TGFA: variants seen among roughly 807,000 people sequenced by gnomAD.
The protein encoded by TGFA is protransforming growth factor alpha.
In TGFA, 12 loss-of-function variants were observed where a neutral mutation model predicts 21.7. That is an observed-to-expected ratio of 0.55 (90% CI 0.35 to 0.90). The LOEUF (loss-of-function observed/expected upper bound fraction) is 0.90, where lower values mean the gene tolerates loss of function less well. Ranked by LOEUF, TGFA falls within the 40% of genes least tolerant of loss-of-function variation. The probability of loss-of-function intolerance (pLI) is 0.01; values close to 1 mark genes in which losing one functional copy is unlikely to be tolerated. For synonymous variants in TGFA, 79 were observed against 88.1 expected, an observed-to-expected ratio of 0.90 and a Z score of 0.58; for missense variants, 178 against 210.8, an observed-to-expected ratio of 0.84 and a Z score of 0.96.
chr2:70,537,888 C>A (rs1673020366), intron 1 of TGFA, among the ~76,000 whole-genome samples: 1 of 152,136 alleles, frequency 6.6e-6, no homozygotes, highest in Admixed American at 6.5e-5. Flanking sequence ...GATGAAACAG[C>A]CTTCAATTAG....
chr2:70,517,958 G>A (rs1380589584), intron 1 of TGFA, among the ~76,000 whole-genome samples: 3 of 152,260 alleles, frequency 2.0e-5, no homozygotes, highest in East Asian at 1.9e-4. Context: ...CTGGCCACAC[G>A]ACTGTGCTTA....
At chr2:70,470,494 CTCT>C (rs1670708185) in intron 2 of TGFA, among the ~76,000 whole-genome samples, 5 of 152,340 alleles carry the variant, frequency 3.3e-5, no homozygotes, top group Middle Eastern at 3.4e-3. Context: ...AGAGCAACTT[CTCT>C]TCTTCTGCGG....
At chr2:70,491,087 A>C (rs1248445774) in intron 2 of TGFA, among the ~76,000 whole-genome samples, 1 of 152,166 alleles carries the variant, frequency 6.6e-6, no homozygotes, top group Non-Finnish European at 1.5e-5. Context: ...TCACCCACCC[A>C]CCTACCCATC....
intron 3 of TGFA, among the ~76,000 whole-genome samples, chr2:70,457,414 ATTC>A (rs1374940626): frequency 1.3e-5 from 2 of 152,100 alleles, no homozygotes; most frequent in African/African-American, 2.4e-5. Flanking sequence ...CAAGCATGTG[ATTC>A]TTCTTAATAA....
intron 2 of TGFA, among the ~76,000 whole-genome samples, chr2:70,509,667 G>A (rs78374875): frequency 1.5e-3 from 221 of 152,276 alleles, no homozygotes; most frequent in African/African-American, 5.1e-3. Flanking sequence ...TTAAAGTGCC[G>A]CCCTGAGTAC....
chr2:70,493,764 A>C (rs1671500993), intron 2 of TGFA, among the ~76,000 whole-genome samples: 1 of 152,240 alleles, frequency 6.6e-6, no homozygotes, highest in African/African-American at 2.4e-5. Flanking sequence ...GCAAGAAGGG[A>C]ACCTTAGTGA....
intron 4 of TGFA, 99 bp from the exon 5 acceptor site, chr2:70,453,426 T>G (rs1432988933): frequency 2.0e-6 from 2 of 1,014,002 alleles, no homozygotes; most frequent in African/African-American, 3.2e-5. Flanking sequence ...GCTCCAGCTC[T>G]AAACCAGCTC....
In TGFA at chr2:70,449,022, C is replaced by T. The variant is rs782621621; in HGVS notation, c.*1837G>A. 1 of 152,182 alleles carries T rather than the reference C, an allele frequency of 6.6e-6. No individual in the cohort carries two copies. Among genetic ancestry groups the T allele is most frequent in the Non-Finnish European group, 1.5e-5 (1 of 68,060 alleles). 9.4% of individuals were successfully genotyped at this position (152,182 alleles called of 1,614,324 possible). On this transcript the variant is annotated 3_prime_UTR_variant, in exon 6 of 6. Coordinates refer to ENST00000295400, the MANE Select transcript of TGFA (RefSeq NM_003236.4). ...CAAGCCTCAACCCACATATCTGGCC[C>T]AAGGGATGTAAACTTGAACTTATTT...
intron 1 of TGFA, among the ~76,000 whole-genome samples, chr2:70,551,655 T>C (rs1673512802): frequency 6.6e-6 from 1 of 152,174 alleles, no homozygotes; most frequent in African/African-American, 2.4e-5. Flanking sequence ...GATTTTTCTT[T>C]TAAAGACATA....
At chr2:70,481,278 A>G (rs1170747057) in intron 2 of TGFA, among the ~76,000 whole-genome samples, 1 of 152,168 alleles carries the variant, frequency 6.6e-6, no homozygotes, top group Non-Finnish European at 1.5e-5. Context: ...TCCAGTACTC[A>G]GGGGCTCAGT....
At chr2:70,506,948 T>C (rs564752597) in intron 2 of TGFA, among the ~76,000 whole-genome samples, 2 of 152,272 alleles carry the variant, frequency 1.3e-5, no homozygotes, top group South Asian at 4.1e-4. Flanking sequence ...AGTGGGTCAA[T>C]ATTTAGGAGT....
At chr2:70,553,380 TGGAGGCAGCCAGGTAAGC>T in intron 1 of TGFA, 1 of 1,456,842 alleles carries the variant, frequency 6.9e-7, no homozygotes, top group Admixed American at 2.8e-5. Flanking sequence ...GAGCCGGGCT[TGGAGGCAGCCAGGTAAGC>T]AGGTAGGTGT....
At chr2:70,488,992 T>C (rs114983960) in intron 2 of TGFA, among the ~76,000 whole-genome samples, 182 of 152,252 alleles carry the variant, frequency 1.2e-3, no homozygotes, top group African/African-American at 4.2e-3. Flanking sequence ...ATACCATACA[T>C]TGGAGGCTGG....
chr2:70,528,287 T>C (rs1672699354), intron 1 of TGFA, among the ~76,000 whole-genome samples: 1 of 152,216 alleles, frequency 6.6e-6, no homozygotes, highest in Non-Finnish European at 1.5e-5. Flanking sequence ...TATCACATGT[T>C]AATAACAGGG....
intron 2 of TGFA, among the ~76,000 whole-genome samples, chr2:70,500,453 A>C (rs1212253777): frequency 7.4e-6 from 1 of 134,262 alleles, no homozygotes; most frequent in African/African-American, 3.4e-5. Context: ...CTACTTAAGC[A>C]GAGTTTAAAA....
At chr2:70,466,806 G>C (rs757549901) in intron 2 of TGFA, among the ~76,000 whole-genome samples, 27 of 152,204 alleles carry the variant, frequency 1.8e-4, no homozygotes, top group South Asian at 1.2e-3. Flanking sequence ...TGACAGACTG[G>C]GTAAAGAAAA....
At chr2:70,519,999 A>T (rs1219564841) in intron 1 of TGFA, among the ~76,000 whole-genome samples, 1 of 152,234 alleles carries the variant, frequency 6.6e-6, no homozygotes, top group Non-Finnish European at 1.5e-5. Flanking sequence ...GCTCATCCAT[A>T]AAACAAGGAT....
chr2:70,491,633 G>A (rs527591374), intron 2 of TGFA, among the ~76,000 whole-genome samples: 1 of 152,292 alleles, frequency 6.6e-6, no homozygotes, highest in East Asian at 1.9e-4. Context: ...AGCCAGCCAT[G>A]CCCCTTCCCC....
chr2:70,514,670 C>A (rs79695573), intron 2 of TGFA, among the ~76,000 whole-genome samples, 189 bp downstream of exon 2: 3 of 152,252 alleles, frequency 2.0e-5, no homozygotes, highest in East Asian at 3.9e-4. Flanking sequence ...GAACAGCCCC[C>A]CCTTGGGCCT....
Sources: allele counts gnomAD v4.1 joint callset (sites outside exome capture counted in the v4.1 genomes callset), GRCh38; gene constraint gnomAD v4.1.1; transcripts MANE v1.5; gene names NCBI Gene and HGNC (gene_info 2026-07-23, HGNC 2026-07-21).